Variants in NXPH1 observed in about 807,000 individuals in gnomAD.
NXPH1 encodes neurexophilin-1.
A neutral mutation model predicts 23.7 loss-of-function variants in NXPH1; 5 were observed. The ratio of observed to expected loss-of-function variants is 0.21; its 90% CI spans 0.11 to 0.44. The LOEUF (loss-of-function observed/expected upper bound fraction) is 0.44. Among genes scored for constraint, NXPH1 ranks in the 20% least tolerant of loss-of-function variants. NXPH1 has a pLI of 0.99. For synonymous variants in NXPH1, 144 were observed against 122.2 expected (o/e 1.18, Z -1.18); for missense variants, 324 against 321.6 (o/e 1.01, Z -0.06).
At chr7:8,737,571 C>G (rs1780283728) in intron 2 of NXPH1, among the ~76,000 whole-genome samples, 1 of 152,110 alleles carries the variant, frequency 6.6e-6, no homozygotes, top group African/African-American at 2.4e-5. Flanking sequence ...AACATTTTTT[C>G]CTTCATTTCA....
At chr7:8,550,450 T>G (rs962797911) in intron 2 of NXPH1, among the ~76,000 whole-genome samples, 1 of 151,600 alleles carries the variant, frequency 6.6e-6, no homozygotes, top group Non-Finnish European at 1.5e-5. Flanking sequence ...GCCTGCACTT[T>G]CATTCCTGAA....
chr7:8,468,352 T>C lies in NXPH1; in HGVS notation c.54+32585T>C, dbSNP rs79649352. ...AGGGGATTTAAACCCAGTTCAGAAA[T>C]TTAAAGCCTATTCACATTTTATCTT... is the stretch of plus-strand genomic sequence containing the variant. On this transcript the variant is annotated intron_variant, in intron 2 of 2. Coordinates refer to ENST00000405863, the MANE Select transcript of NXPH1 (RefSeq NM_152745.3). Among the ~76,000 whole-genome samples the C allele has an allele frequency of 5.5e-3, 840 of 152,220 alleles. 8 individuals are homozygous for C. Among genetic ancestry groups the C allele is most frequent in the African/African-American group, 0.02 (814 of 41,562 alleles).
intron 2 of NXPH1, among the ~76,000 whole-genome samples, chr7:8,697,784 G>A (rs931316008): frequency 2.6e-5 from 4 of 152,132 alleles, no homozygotes; most frequent in African/African-American, 9.7e-5. Flanking sequence ...TCCAGAGAGC[G>A]AGAAAACTGT....
intron 2 of NXPH1, among the ~76,000 whole-genome samples, chr7:8,727,635 A>G (rs1171877434): frequency 6.6e-6 from 1 of 152,152 alleles, no homozygotes; most frequent in Non-Finnish European, 1.5e-5. Flanking sequence ...TTTGTCAAAG[A>G]TCAGATAGTT....
intron 2 of NXPH1, among the ~76,000 whole-genome samples, chr7:8,706,816 G>T (rs931986696): frequency 1.3e-5 from 2 of 152,218 alleles, no homozygotes; most frequent in East Asian, 1.9e-4. Flanking sequence ...ATTGAAGAGG[G>T]AGGAGGAGTC....
At chr7:8,530,326 C>T (rs1397718446) in intron 2 of NXPH1, among the ~76,000 whole-genome samples, 1 of 152,134 alleles carries the variant, frequency 6.6e-6, no homozygotes, top group African/African-American at 2.4e-5. Context: ...ACCTAAAAAG[C>T]AACGTGTTAG....
intron 2 of NXPH1, among the ~76,000 whole-genome samples, chr7:8,670,927 C>A (rs999644563): frequency 6.6e-6 from 1 of 152,134 alleles, no homozygotes; most frequent in African/African-American, 2.4e-5. Context: ...AATATCTAAG[C>A]TGATAGCACC....
intron 2 of NXPH1, among the ~76,000 whole-genome samples, chr7:8,525,448 C>G (rs1233578058): frequency 6.6e-6 from 1 of 152,206 alleles, no homozygotes; most frequent in Non-Finnish European, 1.5e-5. Flanking sequence ...GAAATTCAAG[C>G]TGGCTGCAGA....
rs754530809 is a variant in NXPH1 at position 8,751,463 on chromosome 7, T to G, written c.510T>G (p.Pro170=). The stretch of plus-strand genomic sequence containing the variant: ...ATGTATCTGTCAGCTTGGTACCCCC[T>G]ACAAAAATCGTGGAATTTGACTTGG... ...QGNVSVSLVP[P]TKIVEFDLAQ... The change falls in exon 3 of 3, where the codon CCT becomes CCG. Residue 170 remains proline (P), a synonymous_variant. Transcript: ENST00000405863. This position sits in a 1 kb window ranked among gnomAD's most constrained non-coding sequence, Gnocchi z 4.5. 1 of 1,613,800 alleles carries G rather than the reference T, an allele frequency of 6.2e-7. No individual in the cohort carries two copies. The highest frequency in any genetic ancestry group is 8.5e-7 in the Non-Finnish European group (1 of 1,179,826).
Position 8,501,288 on chromosome 7 carries a change from C to G in NXPH1, c.54+65521C>G, listed in dbSNP as rs1817428026. Among the ~76,000 whole-genome samples, 4 of 151,988 alleles carry G rather than the reference C, an allele frequency of 2.6e-5. No individual in the cohort carries two copies. The South Asian group carries it at 8.3e-4, about 31-fold the overall frequency. On this transcript the variant is annotated intron_variant, in intron 2 of 2. Coordinates refer to ENST00000405863, the MANE Select transcript of NXPH1 (RefSeq NM_152745.3). ...AAACATGAGAAACCGTAGTTTGTTA[C>G]TGAGTAATGAAATGGCAAATAATCA...
intron 2 of NXPH1, among the ~76,000 whole-genome samples, chr7:8,642,474 A>AT (rs1189205631): frequency 2.0e-5 from 3 of 152,128 alleles, no homozygotes; most frequent in Non-Finnish European, 4.4e-5. Context: ...CATTTGGCAG[A>AT]TTTTTTGAGG....
At chr7:8,483,871 T>C (rs1212404401) in intron 2 of NXPH1, among the ~76,000 whole-genome samples, 2 of 152,182 alleles carry the variant, frequency 1.3e-5, no homozygotes, top group Non-Finnish European at 2.9e-5. Context: ...TTGCCTTTAT[T>C]AACTTTCCTT....
chr7:8,683,618 A>G (rs1461354791), intron 2 of NXPH1, among the ~76,000 whole-genome samples: 1 of 152,222 alleles, frequency 6.6e-6, no homozygotes, highest in East Asian at 1.9e-4. Context: ...GTCTCTAAAT[A>G]TCTTTAATTT....
chr7:8,497,196 C>A (rs188046402), intron 2 of NXPH1, among the ~76,000 whole-genome samples: 1 of 152,232 alleles, frequency 6.6e-6, no homozygotes, highest in Admixed American at 6.5e-5. Flanking sequence ...TGAACTCATC[C>A]TTTATTACGG....
intron 2 of NXPH1, among the ~76,000 whole-genome samples, chr7:8,737,805 A>G (rs1780288031): frequency 6.6e-6 from 1 of 152,272 alleles, no homozygotes; most frequent in East Asian, 1.9e-4. Context: ...ACACGTTCAC[A>G]TATTTCTTGG....
rs549281105 is a variant in NXPH1, at chr7:8,549,906, C to G, written c.54+114139C>G. Among the ~76,000 whole-genome samples, 3 of 151,616 alleles carry G rather than the reference C, an allele frequency of 2.0e-5. No homozygotes were observed. In the East Asian group the frequency reaches 5.9e-4, roughly 30 times the overall value. ...CTAAACTACCATTGTTTCTCAAATT[C>G]CCTCTAAATTATACTGGTTTCCTTA... On this transcript the variant is annotated intron_variant, in intron 2 of 2. Coordinates refer to ENST00000405863, the MANE Select transcript of NXPH1 (RefSeq NM_152745.3).
At chr7:8,722,419 C>G (rs565146182) in intron 2 of NXPH1, among the ~76,000 whole-genome samples, 6 of 152,284 alleles carry the variant, frequency 3.9e-5, no homozygotes, top group Non-Finnish European at 7.3e-5. Flanking sequence ...CAATGGTTCT[C>G]TCATTTCAAT....
intron 2 of NXPH1, among the ~76,000 whole-genome samples, chr7:8,554,118 G>C (rs1818318667): frequency 6.6e-6 from 1 of 151,540 alleles, no homozygotes; most frequent in African/African-American, 2.4e-5. Flanking sequence ...GTAAGATCTT[G>C]GTCTCAACAA....
intron 2 of NXPH1, among the ~76,000 whole-genome samples, chr7:8,622,991 T>C (rs1314339350): frequency 6.6e-6 from 1 of 152,130 alleles, no homozygotes; most frequent in Non-Finnish European, 1.5e-5. Context: ...AACTACTCCT[T>C]GAGGGGAGGA....
Sources: gnomAD v4.1 joint callset for allele counts (sites outside exome capture counted in the v4.1 genomes callset) on GRCh38, gnomAD v4.1.1 for gene constraint, Gnocchi (gnomAD v3.1) non-coding constraint, MANE v1.5 for transcripts, NCBI Gene and HGNC (gene_info 2026-07-23, HGNC 2026-07-21) for gene names.